Variants in ADAM2 observed in about 807,000 individuals in gnomAD.
ADAM2 encodes the protein disintegrin and metalloproteinase domain-containing protein 2.
ADAM2 carries 101 observed loss-of-function variants against 99.3 expected under a neutral mutation model. That is an observed-to-expected ratio of 1.02 (90% CI 0.87 to 1.20). The LOEUF (loss-of-function observed/expected upper bound fraction) is 1.20. Ranked by LOEUF, ADAM2 falls within the 50% of genes most tolerant of loss-of-function variation. The pLI, the probability that ADAM2 is intolerant of heterozygous loss-of-function variation, is 0.00. For synonymous variants in ADAM2, 323 were observed against 287.6 expected (o/e 1.12, Z -1.25); for missense variants, 948 against 878.7 (o/e 1.08, Z -1.00).
intron 18 of ADAM2, among the ~76,000 whole-genome samples, chr8:39,747,051 A>G (rs1270676260): frequency 6.6e-6 from 1 of 152,186 alleles, no homozygotes; most frequent in Non-Finnish European, 1.5e-5. Context: ...GAAACCATCT[A>G]TGCCTATAGT....
intron 4 of ADAM2, 92 bp from the exon 5 acceptor site, chr8:39,821,754 A>G: frequency 1.1e-6 from 1 of 878,388 alleles, no homozygotes; most frequent in East Asian, 2.6e-5. Flanking sequence ...TTTTGTTTTT[A>G]TGCATCAAAC....
chr8:39,804,057 G>A (rs1045272728), intron 7 of ADAM2, among the ~76,000 whole-genome samples: 1 of 152,170 alleles, frequency 6.6e-6, no homozygotes, highest in African/African-American at 2.4e-5. Flanking sequence ...GCATGATTAA[G>A]TATCCAGGCT....
chr8:39,787,444 C>T (rs1310054659), intron 9 of ADAM2, among the ~76,000 whole-genome samples: 1 of 151,240 alleles, frequency 6.6e-6, no homozygotes, highest in Non-Finnish European at 1.5e-5. Context: ...ACAAAATTAG[C>T]CTTCTAGAGA....
At chr8:39,788,378 A>G (rs1016668971) in intron 8 of ADAM2, 127 bp from the exon 9 acceptor site, 15 of 595,166 alleles carry the variant, frequency 2.5e-5, no homozygotes, top group African/African-American at 2.1e-4. Context: ...TTCATCTTTT[A>G]AAGTAGATTA....
At chr8:39,830,008 G>A (rs1425766354) in intron 3 of ADAM2, among the ~76,000 whole-genome samples, 1 of 152,132 alleles carries the variant, frequency 6.6e-6, no homozygotes, top group South Asian at 2.1e-4. Context: ...ACGGACTGAG[G>A]GGCTATTATA....
intron 6 of ADAM2, among the ~76,000 whole-genome samples, chr8:39,814,254 G>A (rs1450524884): frequency 6.6e-6 from 1 of 152,046 alleles, no homozygotes; most frequent in Non-Finnish European, 1.5e-5. Context: ...AGCTAGTCAG[G>A]AGGCTGAGGC....
chr8:39,808,086 A>C (rs566531551), intron 7 of ADAM2, among the ~76,000 whole-genome samples: 7 of 152,096 alleles, frequency 4.6e-5, no homozygotes, highest in African/African-American at 1.7e-4. Flanking sequence ...TCTAGCAAAG[A>C]CAATATTGCA....
chr8:39,767,867 A>G (rs1802629332), intron 12 of ADAM2, among the ~76,000 whole-genome samples: 1 of 150,758 alleles, frequency 6.6e-6, no homozygotes, highest in Non-Finnish European at 1.5e-5. Context: ...AGTAAAAGCA[A>G]TAGATAAGAA....
chr8:39,761,266 G>T lies in ADAM2; in HGVS notation c.1523C>A (p.Pro508His), dbSNP rs1453580938. ...ATTAAGGTGAGAATAACATTCTGAAGGGCCAAACTCTACTTCTGAAAATAA... is the reference window on the plus strand; with the variant it reads ...ATTAAGGTGAGAATAACATTCTGAATGGCCAAACTCTACTTCTGAAAATAA... The part of the protein sequence containing the change: ...DTFGKEVEFG[P>H]SECYSHLNSK... Residue 508 changes from proline (P) to histidine (H), a missense_variant, in exon 15 of 21, where the codon CCT becomes CAT. Pro to His is a moderately conservative substitution (Grantham distance 77). Coordinates refer to ENST00000265708, the MANE Select transcript of ADAM2 (RefSeq NM_001464.5). The T allele has an allele frequency of 1.3e-6, 2 of 1,596,996 alleles. No homozygotes were observed. The highest frequency in any genetic ancestry group is 8.5e-7 in the Non-Finnish European group (1 of 1,170,920).
At chr8:39,752,705 G>A (rs1801993258) in intron 16 of ADAM2, among the ~76,000 whole-genome samples, 1 of 152,174 alleles carries the variant, frequency 6.6e-6, no homozygotes, top group Non-Finnish European at 1.5e-5. Flanking sequence ...GAGACCTGGT[G>A]GGAGGTAATT....
chr8:39,774,626 T>C (rs1802916849), intron 11 of ADAM2: 1 of 151,930 alleles, frequency 6.6e-6, no homozygotes, highest in East Asian at 1.9e-4. Context: ...CCAACCATGA[T>C]GGGAATAACT....
intron 10 of ADAM2, among the ~76,000 whole-genome samples, chr8:39,783,174 G>T (rs1401705768): frequency 6.6e-6 from 1 of 151,976 alleles, no homozygotes; most frequent in Non-Finnish European, 1.5e-5. Context: ...AATCCACAAT[G>T]CTCAGACACT....
chr8:39,832,760 T>C (rs960637516), intron 3 of ADAM2, among the ~76,000 whole-genome samples: 1 of 152,090 alleles, frequency 6.6e-6, no homozygotes, highest in Non-Finnish European at 1.5e-5. Context: ...ATTCAAAAGA[T>C]TTTTTTATTT....
At position 39,760,361 on chromosome 8, in the gene ADAM2, C is replaced by T. The variant is rs78013551; in HGVS notation, c.1613+815G>A. 9.8e-3 allele frequency among the ~76,000 whole-genome samples: 1,497 copies of T among 152,160 alleles called. 27 individuals are homozygous for T. The highest frequency in any genetic ancestry group is 0.035 in the African/African-American group (1,441 of 41,514). ...ACTGAAATACGTGCCTGAGGTCACA[C>T]AAATAGGTAAAGAGTGGGATTAGGA... On this transcript the variant is annotated intron_variant, in intron 15 of 20. Transcript: ENST00000265708.
At position 39,821,040 on chromosome 8, in the gene ADAM2, C is replaced by T. The variant is rs1459491882; in HGVS notation, c.475G>A (p.Glu159Lys). The change falls in exon 6 of 21, where the codon GAA becomes AAA. Residue 159 changes from glutamate (E) to lysine (K), a missense_variant. Coordinates refer to ENST00000265708, the MANE Select transcript of ADAM2 (RefSeq NM_001464.5). The part of the protein sequence containing the change: ...DVSLYNEKDI[E>K]SRDLSFKLQS... ...AATTTAAAGGACAGATCTCTTGATTCAATATCCTTCTCATTATATAAGGAA... is the reference window on the plus strand; with the variant it reads ...AATTTAAAGGACAGATCTCTTGATTTAATATCCTTCTCATTATATAAGGAA... 1 of 1,603,714 alleles carries T rather than the reference C, an allele frequency of 6.2e-7. No individual in the cohort carries two copies. Among genetic ancestry groups the T allele is most frequent in the Non-Finnish European group, 8.5e-7 (1 of 1,173,782 alleles).
intron 10 of ADAM2, among the ~76,000 whole-genome samples, chr8:39,784,157 A>G (rs769843492): frequency 3.9e-5 from 6 of 152,144 alleles, no homozygotes; most frequent in Non-Finnish European, 8.8e-5. Context: ...GCAGAACTTC[A>G]ACTATTCTCT....
intron 15 of ADAM2, among the ~76,000 whole-genome samples, chr8:39,760,683 G>T (rs888531588): frequency 3.3e-5 from 5 of 151,494 alleles, no homozygotes; most frequent in Admixed American, 2.6e-4. Flanking sequence ...ATAGTGCCAC[G>T]GCACTCCAGC....
intron 10 of ADAM2, among the ~76,000 whole-genome samples, chr8:39,778,878 G>T (rs1024087961): frequency 6.6e-6 from 1 of 151,910 alleles, no homozygotes; most frequent in African/African-American, 2.4e-5. Flanking sequence ...TGTAGAAAAG[G>T]CTTACTGACC....
rs191971700 is a variant in ADAM2 at position 39,786,348 on chromosome 8, T to C, written c.891+626A>G. 2.2e-3 allele frequency among the ~76,000 whole-genome samples: 342 copies of C among 152,296 alleles called. 3 individuals are homozygous for C. The highest frequency in any genetic ancestry group is 7.8e-3 in the African/African-American group (324 of 41,566). ...TTTAATTGATTCATCTCTTTATTGC[T>C]TCACTTAGCTTCACTTCATTTGTTC... On this transcript the variant is annotated intron_variant, in intron 10 of 20. Coordinates refer to ENST00000265708, the MANE Select transcript of ADAM2 (RefSeq NM_001464.5).
Sources: gnomAD v4.1 joint callset for allele counts (sites outside exome capture counted in the v4.1 genomes callset) on GRCh38, gnomAD v4.1.1 for gene constraint, MANE v1.5 for transcripts, NCBI Gene and HGNC (gene_info 2026-07-23, HGNC 2026-07-21) for gene names.